The following ERC2 variants were observed in gnomAD, a reference collection of about 807,000 sequenced individuals.
The protein encoded by ERC2 is ERC protein 2.
A neutral mutation model predicts 114.8 loss-of-function variants in ERC2; 42 were observed. That is an observed-to-expected ratio of 0.37 (90% CI 0.29 to 0.47). ERC2 has a LOEUF of 0.47. ERC2 is among the 20% of genes least tolerant of loss of function. The pLI is 0.99. For missense variants in ERC2, 939 were observed against 1,150.7 expected, an observed-to-expected ratio of 0.82 and a Z score of 2.66; for synonymous variants, 454 against 425.5, an observed-to-expected ratio of 1.07 and a Z score of -0.82.
chr3:56,193,332 AC>A (rs1471376066), intron 3 of ERC2, among the ~76,000 whole-genome samples: 1 of 152,044 alleles, frequency 6.6e-6, no homozygotes, highest in Non-Finnish European at 1.5e-5. Context: ...ACATGGCAAA[AC>A]CCCGTCTCTA....
chr3:55,813,476 C>A (rs1190487937), intron 14 of ERC2, among the ~76,000 whole-genome samples: 2 of 152,138 alleles, frequency 1.3e-5, no homozygotes, highest in African/African-American at 4.8e-5. Context: ...CAGCTCATTC[C>A]TTGGTTCTGT....
intron 3 of ERC2, among the ~76,000 whole-genome samples, chr3:56,288,964 C>A (rs1020047552): frequency 6.6e-6 from 1 of 151,998 alleles, no homozygotes; most frequent in African/African-American, 2.4e-5. Flanking sequence ...GGCCTTGGGG[C>A]GTGGTGGTTA....
chr3:56,214,550 C>G (rs1331115821), intron 3 of ERC2, among the ~76,000 whole-genome samples: 1 of 152,016 alleles, frequency 6.6e-6, no homozygotes, highest in African/African-American at 2.4e-5. Flanking sequence ...GAGAATGGAA[C>G]CAAGTTGGAA....
At chr3:55,691,573 A>AAAAATATAT (rs1553631525) in intron 16 of ERC2, among the ~76,000 whole-genome samples, 6 of 39,742 alleles carry the variant, frequency 1.5e-4, no homozygotes, top group Admixed American at 3.6e-4. Flanking sequence ...AAAAAAAAAA[A>AAAAATATAT]ATATATATAT....
At chr3:56,315,344 A>G (rs1261254531) in intron 2 of ERC2, among the ~76,000 whole-genome samples, 1 of 152,234 alleles carries the variant, frequency 6.6e-6, no homozygotes, top group Non-Finnish European at 1.5e-5. Flanking sequence ...CAGGAGATCC[A>G]TGTTATCATT....
chr3:56,276,278 T>G (rs74788446), intron 3 of ERC2, among the ~76,000 whole-genome samples: 2 of 152,250 alleles, frequency 1.3e-5, no homozygotes, highest in African/African-American at 4.8e-5. Context: ...GGGATTAGAT[T>G]ATTTTTAGAT....
chr3:55,835,756 G>A (rs530703841), intron 14 of ERC2, among the ~76,000 whole-genome samples: 144 of 152,126 alleles, frequency 9.5e-4, no homozygotes, highest in East Asian at 1.5e-3. Flanking sequence ...TGGCCAGGGC[G>A]ATTAGGCAGG....
intron 12 of ERC2, among the ~76,000 whole-genome samples, chr3:55,982,705 C>A (rs2070256056): frequency 6.6e-6 from 1 of 152,188 alleles, no homozygotes; most frequent in Admixed American, 6.5e-5. Context: ...ACACAGTAGG[C>A]ACTCACTATA....
intron 12 of ERC2, among the ~76,000 whole-genome samples, chr3:55,982,007 T>C (rs567581700): frequency 6.6e-6 from 1 of 152,274 alleles, no homozygotes; most frequent in Non-Finnish European, 1.5e-5. Flanking sequence ...AAGAGGCAAC[T>C]CCTGCCCTGG....
At chr3:56,459,135 T>C (rs2063196761) in intron 1 of ERC2, among the ~76,000 whole-genome samples, 1 of 152,058 alleles carries the variant, frequency 6.6e-6, no homozygotes, top group South Asian at 2.1e-4. Context: ...CTCAGGCCCA[T>C]AGAGGATGAA....
chr3:55,910,753 G>A (rs1057273718), intron 13 of ERC2, among the ~76,000 whole-genome samples: 1 of 152,180 alleles, frequency 6.6e-6, no homozygotes, highest in African/African-American at 2.4e-5. Flanking sequence ...ACACAAAGAG[G>A]TTAAGCAACT....
At chr3:55,864,198 CAT>C (rs1293506648) in intron 14 of ERC2, among the ~76,000 whole-genome samples, 3 of 129,560 alleles carry the variant, frequency 2.3e-5, no homozygotes, top group Admixed American at 7.6e-5. Flanking sequence ...TATATATACA[CAT>C]ATATATACAC....
chr3:55,851,595 T>C (rs1255239975), intron 14 of ERC2, among the ~76,000 whole-genome samples: 2 of 152,162 alleles, frequency 1.3e-5, no homozygotes, highest in Non-Finnish European at 2.9e-5. Flanking sequence ...CTCCAGAGCT[T>C]TGGTTTTAGA....
intron 17 of ERC2, among the ~76,000 whole-genome samples, chr3:55,641,727 T>C (rs2148656580): frequency 6.6e-6 from 1 of 152,274 alleles, no homozygotes; most frequent in East Asian, 1.9e-4. Context: ...CTCTCTCCTT[T>C]TCCTTCTACT....
chr3:56,079,082 C>A (rs1384699860), intron 7 of ERC2, among the ~76,000 whole-genome samples: 2 of 151,976 alleles, frequency 1.3e-5, no homozygotes, highest in Non-Finnish European at 2.9e-5. Context: ...CTATTTCGAG[C>A]AGTTCTGTCA....
intron 2 of ERC2, among the ~76,000 whole-genome samples, chr3:56,331,497 A>AT (rs200509634): frequency 1.4e-4 from 21 of 151,704 alleles, no homozygotes; most frequent in South Asian, 1.3e-3. Flanking sequence ...GTGTCAGAAT[A>AT]TTTTTTTTTC....
chr3:55,924,782 C>T (rs1576218790), intron 13 of ERC2, among the ~76,000 whole-genome samples: 2 of 152,144 alleles, frequency 1.3e-5, no homozygotes, highest in Non-Finnish European at 2.9e-5. Context: ...GTAGGGGAGT[C>T]ACTCCTCAAT....
intron 4 of ERC2, among the ~76,000 whole-genome samples, chr3:56,160,509 T>C (rs113689043): frequency 1.1e-3 from 168 of 152,310 alleles, no homozygotes; most frequent in African/African-American, 3.9e-3. Context: ...TTTTTGGTTT[T>C]GTTGCAATTG....
chr3:55,718,961 C>T (rs1425583147), intron 15 of ERC2, among the ~76,000 whole-genome samples: 2 of 152,108 alleles, frequency 1.3e-5, no homozygotes, highest in Non-Finnish European at 2.9e-5. Context: ...CCGAAATTTC[C>T]ACCAGCTAAC....
Sources: gnomAD v4.1 joint callset for allele counts (sites outside exome capture counted in the v4.1 genomes callset) on GRCh38, gnomAD v4.1.1 for gene constraint, MANE v1.5 for transcripts, NCBI Gene and HGNC (gene_info 2026-07-23, HGNC 2026-07-21) for gene names.